The following COL4A5 variants were observed in gnomAD, a reference collection of about 807,000 sequenced individuals.
COL4A5 encodes the protein collagen alpha-5(IV) chain.
In COL4A5, 26 loss-of-function variants were observed where a neutral mutation model predicts 130.2. That is an observed-to-expected ratio of 0.20 (90% CI 0.15 to 0.28). COL4A5 has a LOEUF of 0.28. COL4A5 is among the 10% of genes least tolerant of loss of function. COL4A5 has a pLI of 1.00. For missense variants in COL4A5, 1,131 were observed against 1,344.3 expected, an observed-to-expected ratio of 0.84 and a Z score of 2.48; for synonymous variants, 496 against 439.6, an observed-to-expected ratio of 1.13 and a Z score of -1.60.
intron 9 of COL4A5, among the ~76,000 whole-genome samples, chrX:108,574,891 A>G (rs1188144390): frequency 1.8e-5 from 2 of 110,945 alleles, no homozygotes; most frequent in Non-Finnish European, 3.8e-5. Context: ...GGGCTTAAGC[A>G]ATCCTCCCAC....
intron 29 of COL4A5, among the ~76,000 whole-genome samples, chrX:108,613,047 G>A (rs2066863258): frequency 9.0e-6 from 1 of 111,533 alleles, no homozygotes; most frequent in Non-Finnish European, 1.9e-5. Context: ...TAAAGCAATT[G>A]GACATCCATA....
chrX:108,489,667 G>A (rs2064977998), intron 1 of COL4A5, among the ~76,000 whole-genome samples: 1 of 111,723 alleles, frequency 9.0e-6, no homozygotes, highest in African/African-American at 3.2e-5. Context: ...CAGTGAAGAG[G>A]CAGATTTTTA....
intron 30 of COL4A5, among the ~76,000 whole-genome samples, chrX:108,616,282 C>T (rs750517538): frequency 9.1e-6 from 1 of 109,740 alleles, no homozygotes; most frequent in South Asian, 3.9e-4. Context: ...ACTCTTGTTG[C>T]CCAGGCTGGA....
chrX:108,473,635 T>TATATATATATATATATATATA (rs2064803930), intron 1 of COL4A5, among the ~76,000 whole-genome samples: 1 of 17,056 alleles, frequency 5.9e-5, no homozygotes, highest in African/African-American at 1.8e-4. Flanking sequence ...ATATATATAT[T>TATATATATATATATATATATA]TTTTTTTTTT....
chrX:108,504,290 A>G (rs2065105615), intron 1 of COL4A5, among the ~76,000 whole-genome samples: 1 of 112,025 alleles, frequency 8.9e-6, no homozygotes, highest in Admixed American at 9.5e-5. Flanking sequence ...ATTTTAGAAG[A>G]AAACATAGGA....
chrX:108,634,409 TGAA>T (rs1413366837), intron 36 of COL4A5, among the ~76,000 whole-genome samples: 1 of 111,359 alleles, frequency 9.0e-6, no homozygotes, highest in Non-Finnish European at 1.9e-5. Flanking sequence ...ATGAAAAGGA[TGAA>T]GATGTCACAG....
intron 1 of COL4A5, among the ~76,000 whole-genome samples, chrX:108,524,231 AT>A (rs1162372476): frequency 3.6e-5 from 4 of 112,047 alleles, no homozygotes; most frequent in Non-Finnish European, 3.8e-5. Flanking sequence ...CAGAGTGGAC[AT>A]TCTTGTCTTG....
intron 31 of COL4A5, among the ~76,000 whole-genome samples, chrX:108,620,907 C>T (rs961776937): frequency 4.5e-5 from 5 of 110,789 alleles, no homozygotes; most frequent in African/African-American, 6.6e-5. Flanking sequence ...TGCTCCCCTT[C>T]CATGGCAGCT....
At chrX:108,560,046 C>T (rs2065879243) in intron 3 of COL4A5, among the ~76,000 whole-genome samples, 1 of 111,587 alleles carries the variant, frequency 9.0e-6, no homozygotes, top group Non-Finnish European at 1.9e-5. Flanking sequence ...ACATAAGCTG[C>T]CCCATCATGG....
At chrX:108,443,415 A>T (rs16985488) in intron 1 of COL4A5, among the ~76,000 whole-genome samples, 11,674 of 111,597 alleles carry the variant, frequency 0.1, 1,302 homozygotes, top group African/African-American at 0.34. Context: ...CATTAATTTT[A>T]AGTCCACCAA....
At chrX:108,547,896 G>T (rs62603584) in intron 2 of COL4A5, among the ~76,000 whole-genome samples, 34,709 of 111,018 alleles carry the variant, frequency 0.31, 5,231 homozygotes, top group Non-Finnish European at 0.45. Flanking sequence ...GTGGGTTTAG[G>T]ACCCTCCGAG....
intron 1 of COL4A5, among the ~76,000 whole-genome samples, chrX:108,441,754 G>A (rs955432956): frequency 2.7e-5 from 3 of 111,605 alleles, no homozygotes; most frequent in Non-Finnish European, 3.8e-5. Context: ...TCTGGCATTT[G>A]GCCCAGGGAC....
chrX:108,625,816 A>T (rs1297472652), intron 35 of COL4A5, 22 bp downstream of exon 35: 1 of 1,079,089 alleles, frequency 9.3e-7, no homozygotes, highest in Non-Finnish European at 1.3e-6. Flanking sequence ...AAATCTTCCA[A>T]ATATTTAGTC....
At chrX:108,597,698 A>G (rs55941015) in intron 24 of COL4A5, 130 bp downstream of exon 24, 9,518 of 589,391 alleles carry the variant, frequency 0.016, 165 homozygotes, top group Middle Eastern at 0.11. Context: ...ATGTGACCAT[A>G]CAGTAATGGC....
chrX:108,460,199 C>G (rs1243782610), intron 1 of COL4A5, among the ~76,000 whole-genome samples: 2 of 111,825 alleles, frequency 1.8e-5, no homozygotes, highest in Non-Finnish European at 3.8e-5. Context: ...TAGCTATAAA[C>G]AGGCCAATTT....
chrX:108,665,687 A>C (rs773149262), intron 38 of COL4A5, 100 bp downstream of exon 38: 18 of 581,456 alleles, frequency 3.1e-5, no homozygotes, highest in Non-Finnish European at 5.2e-5. Context: ...CATTTTCAAC[A>C]CAAGGAAATA....
rs777769098 is a variant in COL4A5 at position 108,646,265 on chromosome X, C to T, written c.3247-9066C>T. ...TGTTGTTTCCTGATTTTTTAATGATCGCCATTCTAACTGGTGTGAGATGGT... is the reference window on the plus strand; with the variant it reads ...TGTTGTTTCCTGATTTTTTAATGATTGCCATTCTAACTGGTGTGAGATGGT... On this transcript the variant is annotated intron_variant, in intron 36 of 52. Coordinates refer to ENST00000328300, the MANE Select transcript of COL4A5 (RefSeq NM_033380.3). Among the ~76,000 whole-genome samples the T allele has an allele frequency of 2.7e-3, 298 of 111,495 alleles. 2 individuals are homozygous for T. The highest frequency in any genetic ancestry group is 9.0e-3 in the African/African-American group (277 of 30,669).
At chrX:108,595,426 A>T in intron 21 of COL4A5, 83 bp from the exon 22 acceptor site, 1 of 813,678 alleles carries the variant, frequency 1.2e-6, no homozygotes, top group Non-Finnish European at 1.9e-6. Context: ...GCTGTCCCTT[A>T]GTGCTAACAT....
chrX:108,451,018 C>T (rs1440359437), intron 1 of COL4A5, among the ~76,000 whole-genome samples: 6 of 103,312 alleles, frequency 5.8e-5, no homozygotes, highest in African/African-American at 2.1e-4. Flanking sequence ...CAACAGTCCC[C>T]AGAGTGTGAT....
Sources: allele counts gnomAD v4.1 joint callset (sites outside exome capture counted in the v4.1 genomes callset), GRCh38; gene constraint gnomAD v4.1.1; transcripts MANE v1.5; gene names NCBI Gene and HGNC (gene_info 2026-07-23, HGNC 2026-07-21).